NRXN3: variants seen among roughly 807,000 people sequenced by gnomAD.
NRXN3 encodes neurexin III.
Under a neutral mutation model 137.6 loss-of-function variants are expected in NRXN3, and 32 were observed. That is an observed-to-expected ratio of 0.23 (90% CI 0.18 to 0.31). NRXN3 has a LOEUF of 0.31. NRXN3 is among the 10% of genes least tolerant of loss of function. NRXN3 has a pLI of 1.00. For synonymous variants in NRXN3, 798 were observed against 784.5 expected (o/e 1.02, Z -0.29); for missense variants, 1,574 against 2,062.5 (o/e 0.76, Z 4.59).
intron 1 of NRXN3, among the ~76,000 whole-genome samples, chr14:78,225,072 G>A (rs1053114582): frequency 6.6e-6 from 1 of 152,174 alleles, no homozygotes; most frequent in Non-Finnish European, 1.5e-5. Context: ...GGCCGCATGT[G>A]TCTTTATAGC....
chr14:78,733,298 T>C (rs1391907237), intron 8 of NRXN3, among the ~76,000 whole-genome samples: 1 of 152,132 alleles, frequency 6.6e-6, no homozygotes, highest in African/African-American at 2.4e-5. Context: ...GTATCCTGTA[T>C]CCTCAGTCTT....
chr14:78,546,730 A>T (rs2152140114), intron 4 of NRXN3, among the ~76,000 whole-genome samples: 1 of 152,304 alleles, frequency 6.6e-6, no homozygotes, highest in South Asian at 2.1e-4. Context: ...AATAGCTAAC[A>T]CTTACTGCTG....
chr14:78,394,716 T>C (rs931961128), intron 4 of NRXN3, among the ~76,000 whole-genome samples: 15 of 151,874 alleles, frequency 9.9e-5, no homozygotes, highest in African/African-American at 3.4e-4. Context: ...TTGGGAAGTA[T>C]TTTAATTATA....
chr14:79,533,437 G>A (rs2097186391), intron 16 of NRXN3, among the ~76,000 whole-genome samples: 1 of 152,154 alleles, frequency 6.6e-6, no homozygotes, highest in Admixed American at 6.5e-5. Flanking sequence ...ACTACCGACA[G>A]TTATGTACAA....
intron 15 of NRXN3, among the ~76,000 whole-genome samples, chr14:79,083,078 T>TC (rs1215882361): frequency 6.6e-6 from 1 of 152,204 alleles, no homozygotes; most frequent in Non-Finnish European, 1.5e-5. Context: ...CAGCAGCATC[T>TC]CCAAACAAAA....
intron 4 of NRXN3, among the ~76,000 whole-genome samples, chr14:78,505,249 G>C (rs1490582085): frequency 6.6e-6 from 1 of 152,014 alleles, no homozygotes; most frequent in African/African-American, 2.4e-5. Flanking sequence ...AGAAAGATTT[G>C]CTTTGCTTTT....
chr14:78,806,913 A>C (rs535829341), intron 9 of NRXN3, among the ~76,000 whole-genome samples: 43 of 152,314 alleles, frequency 2.8e-4, no homozygotes, highest in African/African-American at 9.6e-4. Context: ...TAAATCAAGC[A>C]AGTGTTTTTA....
At chr14:78,836,838 T>G (rs1183842957) in intron 10 of NRXN3, among the ~76,000 whole-genome samples, 1 of 152,162 alleles carries the variant, frequency 6.6e-6, no homozygotes, top group Admixed American at 6.5e-5. Context: ...AGACTATGAG[T>G]AGGGAAGACA....
At chr14:79,458,919 A>C (rs1297083536) in intron 15 of NRXN3, among the ~76,000 whole-genome samples, 1 of 152,128 alleles carries the variant, frequency 6.6e-6, no homozygotes, top group East Asian at 1.9e-4. Flanking sequence ...AGATAAAATG[A>C]GTACCTCTAT....
intron 15 of NRXN3, among the ~76,000 whole-genome samples, chr14:79,464,141 C>T (rs1215380021): frequency 6.6e-6 from 1 of 152,142 alleles, no homozygotes; most frequent in East Asian, 1.9e-4. Context: ...TAATGTCCCA[C>T]AGTATTGGAC....
chr14:79,803,246 A>T (rs943591064), intron 19 of NRXN3, among the ~76,000 whole-genome samples: 5 of 152,052 alleles, frequency 3.3e-5, no homozygotes, highest in African/African-American at 1.2e-4. Context: ...ATGTCTATTT[A>T]AAAAAAGGAT....
chr14:78,915,345 C>CAAAAAAAAAAAA lies in NRXN3; in HGVS notation c.2276-41881_2276-41870dup, dbSNP rs35908076. ...CCCAAACATCTTTCTACGTGTGAAG[C>CAAAAAAAAAAAA]AAAAAAAAAAAAAAAAAAAAAAAAA... On this transcript the variant is annotated intron_variant, in intron 10 of 20. Coordinates refer to ENST00000335750, the MANE Select transcript of NRXN3 (RefSeq NM_001330195.2). 1.2e-3 allele frequency among the ~76,000 whole-genome samples: 13 copies of CAAAAAAAAAAAA among 11,190 alleles called. 1 individual carries two copies. Among genetic ancestry groups the CAAAAAAAAAAAA allele is most frequent in the African/African-American group, 3.6e-3 (13 of 3,572 alleles). The allele number at this position is 11,190 out of a possible 152,430, so 7.3% of individuals were successfully genotyped here. A position where few individuals can be genotyped will look rare whatever the true frequency, so the allele number is the denominator to read the frequency against.
At chr14:79,808,046 G>A (rs1476628054) in intron 20 of NRXN3, among the ~76,000 whole-genome samples, 1 of 151,760 alleles carries the variant, frequency 6.6e-6, no homozygotes, top group Admixed American at 6.6e-5. Flanking sequence ...AGACCAGCCT[G>A]GCCAAGAGGG....
intron 16 of NRXN3, among the ~76,000 whole-genome samples, chr14:79,624,237 A>G (rs999012115): frequency 6.6e-6 from 1 of 152,208 alleles, no homozygotes; most frequent in African/African-American, 2.4e-5. Flanking sequence ...CTAGAAATAC[A>G]TGACCTAAAT....
chr14:79,195,563 T>C (rs2065023733), intron 15 of NRXN3, among the ~76,000 whole-genome samples: 1 of 152,188 alleles, frequency 6.6e-6, no homozygotes, highest in Non-Finnish European at 1.5e-5. Context: ...CATTATATGA[T>C]TGGTTTATGT....
At chr14:79,413,894 A>AG (rs1328724547) in intron 15 of NRXN3, among the ~76,000 whole-genome samples, 2 of 151,162 alleles carry the variant, frequency 1.3e-5, no homozygotes, top group Non-Finnish European at 3.0e-5. Context: ...AAAAAAAAAA[A>AG]AAAAAAAAAA....
intron 8 of NRXN3, among the ~76,000 whole-genome samples, chr14:78,758,950 G>T (rs1286196829): frequency 1.3e-5 from 2 of 152,056 alleles, no homozygotes; most frequent in African/African-American, 4.8e-5. Context: ...TTTTGTTCTT[G>T]GTGTACCAGA....
chr14:78,382,151 A>G (rs1332557495), intron 4 of NRXN3, among the ~76,000 whole-genome samples: 1 of 152,236 alleles, frequency 6.6e-6, no homozygotes, highest in Admixed American at 6.5e-5. Flanking sequence ...TTAACTCAAT[A>G]TAAAAAAAGT....
intron 15 of NRXN3, among the ~76,000 whole-genome samples, chr14:79,139,175 C>A (rs892786866): frequency 1.3e-5 from 2 of 152,146 alleles, no homozygotes; most frequent in Non-Finnish European, 2.9e-5. Context: ...AATATTTGCT[C>A]CTGGATCTAC....
Sources: allele counts gnomAD v4.1 joint callset (sites outside exome capture counted in the v4.1 genomes callset), GRCh38; gene constraint gnomAD v4.1.1; transcripts MANE v1.5; gene names NCBI Gene and HGNC (gene_info 2026-07-23, HGNC 2026-07-21).